Variants in IPPK observed in about 807,000 individuals in gnomAD.
The protein encoded by IPPK is inositol-pentakisphosphate 2-kinase, also known as IPK1 homolog.
In IPPK, 22 loss-of-function variants were observed where a neutral mutation model predicts 64.6. The ratio of observed to expected loss-of-function variants is 0.34; its 90% confidence interval spans 0.24 to 0.49. IPPK has a LOEUF of 0.49. Ranked by LOEUF, IPPK falls within the 20% of genes least tolerant of loss-of-function variation. IPPK has a pLI of 0.99. For synonymous variants in IPPK, 262 were observed against 247.2 expected, an observed-to-expected ratio of 1.06 and a Z score of -0.56; for missense variants, 532 against 630.7, an observed-to-expected ratio of 0.84 and a Z score of 1.68.
chr9:92,619,241 A>G, intron 12 of IPPK: 1 of 477,486 alleles, frequency 2.1e-6, no homozygotes. Context: ...CTTAGAAAAC[A>G]GTAACTTTCA....
intron 11 of IPPK, among the ~76,000 whole-genome samples, chr9:92,624,918 C>CA (rs1368992988): frequency 2.8e-5 from 4 of 143,868 alleles, no homozygotes; most frequent in Admixed American, 2.8e-4. Context: ...AAAAAAAAAA[C>CA]AAACAGGAGA....
At chr9:92,624,550 C>T (rs1001660476) in intron 11 of IPPK, among the ~76,000 whole-genome samples, 2 of 152,084 alleles carry the variant, frequency 1.3e-5, no homozygotes, top group African/African-American at 2.4e-5. Flanking sequence ...GGATCACCTA[C>T]CTGAGCTCAG....
intron 1 of IPPK, among the ~76,000 whole-genome samples, chr9:92,661,435 GC>G (rs1215278961): frequency 2.0e-5 from 3 of 152,300 alleles, no homozygotes; most frequent in African/African-American, 7.2e-5. Flanking sequence ...GTACTGTGCT[GC>G]CCCCCAGGAG....
chr9:92,641,966 T>C (rs62574675), intron 7 of IPPK, among the ~76,000 whole-genome samples: 6,502 of 152,198 alleles, frequency 0.043, 174 homozygotes, highest in Middle Eastern at 0.054. Flanking sequence ...GGCACACAAA[T>C]CTACATCGCT....
chr9:92,621,692 CT>C (rs1008333421), intron 11 of IPPK, among the ~76,000 whole-genome samples: 4 of 151,698 alleles, frequency 2.6e-5, no homozygotes, highest in African/African-American at 9.7e-5. Context: ...TTTTTAATTA[CT>C]TTTATTAGAG....
intron 11 of IPPK, 29 bp downstream of exon 11, chr9:92,634,357 A>G: frequency 1.3e-6 from 2 of 1,502,596 alleles, no homozygotes; most frequent in Non-Finnish European, 1.9e-6. Flanking sequence ...TAAGGATCAC[A>G]CAGCAAGTTT....
intron 3 of IPPK, 108 bp from the exon 4 acceptor site, chr9:92,652,747 G>A: frequency 1.9e-6 from 1 of 521,908 alleles, no homozygotes; most frequent in Non-Finnish European, 3.4e-6. Context: ...TTTATGTTAT[G>A]TGTAATTTAT....
chr9:92,619,701 A>G, intron 11 of IPPK, 136 bp from the exon 12 acceptor site: 1 of 753,378 alleles, frequency 1.3e-6, no homozygotes, highest in East Asian at 2.7e-5. Flanking sequence ...AGCGAGGGCC[A>G]CGGTGAGCAC....
At chr9:92,631,736 CA>C (rs1391219002) in intron 11 of IPPK, among the ~76,000 whole-genome samples, 3 of 152,258 alleles carry the variant, frequency 2.0e-5, no homozygotes, top group Admixed American at 2.0e-4. Flanking sequence ...ACACAATCCA[CA>C]ATCTTATTCA....
rs1851364539 is a variant in IPPK, at chr9:92,614,338, C to CT, written c.*1493dup. 6.6e-6 allele frequency: 1 copy of CT among 152,412 alleles called. No individual in the cohort carries two copies. Among genetic ancestry groups the CT allele is most frequent in the Admixed American group, 6.5e-5 (1 of 15,290 alleles). 9.4% of individuals were successfully genotyped at this position (152,412 alleles called of 1,614,324 possible). A position where few individuals can be genotyped will look rare whatever the true frequency, so the allele number is the denominator to read the frequency against. ...GGGTCAAGACAGTACTCAACGGCCA[C>CT]TACCTCCACGCTTCCCAGAGCCTGC... On this transcript the variant is annotated 3_prime_UTR_variant, in exon 13 of 13. Coordinates refer to ENST00000287996, the MANE Select transcript of IPPK (RefSeq NM_022755.6).
At chr9:92,657,072 A>G (rs1852387417) in intron 2 of IPPK, among the ~76,000 whole-genome samples, 1 of 152,198 alleles carries the variant, frequency 6.6e-6, no homozygotes, top group Non-Finnish European at 1.5e-5. Flanking sequence ...AACCCTGGCC[A>G]GGAGCAGTGG....
Position 92,613,249 on chromosome 9 carries a change from C to A in IPPK, c.*2583G>T. On this transcript the variant is annotated 3_prime_UTR_variant, in exon 13 of 13. Coordinates refer to ENST00000287996, the MANE Select transcript of IPPK (RefSeq NM_022755.6). ...CTATTTTCTGCTTAGAAACCACACC[C>A]TGAAGACGTGCTGTCTATGCAGTTA... 7.1e-7 allele frequency: 1 copy of A among 1,409,622 alleles called. No homozygotes were observed. Among genetic ancestry groups the A allele is most frequent in the Non-Finnish European group, 1.0e-6 (1 of 1,004,830 alleles). 87.3% of individuals were successfully genotyped at this position (1,409,622 alleles called of 1,614,324 possible).
rs779140820 is a variant in IPPK, at chr9:92,642,802, A to C, written c.513T>G (p.Thr171=). The C allele has an allele frequency of 1.2e-6, 2 of 1,613,968 alleles. No individual in the cohort carries two copies. The highest frequency in any genetic ancestry group is 2.7e-5 in the African/African-American group (2 of 74,936). ...YCMHQHLKVA[T]GKWKQISKYC... Reference sequence around the variant, plus strand: ...ATTTGCTGATCTGCTTCCACTTCCCAGTTGCTACCTGTGAAAACACCAACA... The same window carrying C: ...ATTTGCTGATCTGCTTCCACTTCCCCGTTGCTACCTGTGAAAACACCAACA... The change falls in exon 7 of 13, where the codon ACT becomes ACG. Residue 171 remains threonine (T), a synonymous_variant. Transcript: ENST00000287996.
chr9:92,619,678 G>A (rs1298313981), intron 11 of IPPK, 113 bp from the exon 12 acceptor site: 1 of 1,004,856 alleles, frequency 1.0e-6, no homozygotes, highest in Non-Finnish European at 1.5e-6. Context: ...CAGAACCTGA[G>A]GGTGGGATTA....
At position 92,656,682 on chromosome 9, in the gene IPPK, G is replaced by A. The variant is rs546940806; in HGVS notation, c.130-131C>T. 5.0e-5 allele frequency: 32 copies of A among 641,254 alleles called. No individual in the cohort carries two copies. The South Asian group carries it at 5.0e-4, about 10-fold the overall frequency. The allele number at this position is 641,254 out of a possible 1,614,324, so 39.7% of individuals were successfully genotyped here. A position where few individuals can be genotyped will look rare whatever the true frequency, so the allele number is the denominator to read the frequency against. ...GACATCCCAGCCACAGACAGAACCCGGGTGACAGCCCTCAGACCCAGGGGA... is the reference window on the plus strand; with the variant it reads ...GACATCCCAGCCACAGACAGAACCCAGGTGACAGCCCTCAGACCCAGGGGA... On this transcript the variant is annotated intron_variant, in intron 2 of 12. Coordinates refer to ENST00000287996, the MANE Select transcript of IPPK (RefSeq NM_022755.6).
chr9:92,658,666 G>A lies in IPPK; in HGVS notation c.97C>T (p.Arg33Trp). ...CTATTTGGAGGAAACTTCAGAAACC[G>A]CAGCACGACGCAGCGCTGTTGGAAA... ...VAHAQRCVVL[R>W]FLKFPPNRKK... The change falls in exon 2 of 13, where the codon CGG becomes TGG. Residue 33 changes from arginine (R) to tryptophan (W), a missense_variant. Transcript: ENST00000287996. The A allele has an allele frequency of 4.3e-6, 7 of 1,613,894 alleles. No homozygotes were observed. Among genetic ancestry groups the A allele is most frequent in the East Asian group, 2.2e-5 (1 of 44,878 alleles).
chr9:92,620,154 A>G (rs1851582396), intron 11 of IPPK: 1 of 157,610 alleles, frequency 6.3e-6, no homozygotes, highest in Non-Finnish European at 1.4e-5. Context: ...AGCAACAGAC[A>G]CAGACATCAC....
intron 5 of IPPK, among the ~76,000 whole-genome samples, chr9:92,648,584 C>A (rs937456363): frequency 2.0e-5 from 3 of 152,228 alleles, no homozygotes; most frequent in Non-Finnish European, 4.4e-5. Context: ...GTCAAGGAAG[C>A]CCCAGTGCCC....
intron 1 of IPPK, among the ~76,000 whole-genome samples, chr9:92,659,062 T>C (rs1490898559): frequency 2.0e-5 from 3 of 152,234 alleles, no homozygotes; most frequent in Non-Finnish European, 4.4e-5. Context: ...GGACACAGAT[T>C]TGTGGTTATC....
Sources: allele counts gnomAD v4.1 joint callset (sites outside exome capture counted in the v4.1 genomes callset), GRCh38; gene constraint gnomAD v4.1.1; transcripts MANE v1.5; gene names NCBI Gene and HGNC (gene_info 2026-07-23, HGNC 2026-07-21).